The following CELF2 variants were observed in gnomAD, a reference collection of about 807,000 sequenced individuals.
CELF2 encodes CUG triplet repeat RNA-binding protein 2.
Under a neutral mutation model 62.6 loss-of-function variants are expected in CELF2, and 8 were observed. That is an observed-to-expected ratio of 0.13 (90% confidence interval 0.07 to 0.23). The LOEUF (loss-of-function observed/expected upper bound fraction) is 0.23, where lower values mean the gene tolerates loss of function less well. Ranked by LOEUF, CELF2 falls within the 10% of genes least tolerant of loss-of-function variation. The pLI is 1.00. For missense variants in CELF2, 333 were observed against 671.0 expected (o/e 0.50, Z 5.56); for synonymous variants, 258 against 250.0 (o/e 1.03, Z -0.30).
chr10:10,812,722 C>T (rs1445939497), intron 1 of CELF2, among the ~76,000 whole-genome samples: 1 of 152,144 alleles, frequency 6.6e-6, no homozygotes, highest in Non-Finnish European at 1.5e-5. Flanking sequence ...TCTGAATGTT[C>T]ATAACACTGA....
the CELF2 span, among the ~76,000 whole-genome samples, chr10:10,749,526 A>T: frequency 2.6e-5 from 4 of 152,238 alleles, no homozygotes; most frequent in Non-Finnish European, 5.9e-5. Context: ...TACTGATACA[A>T]TCTGAATGTC....
chr10:11,124,377 A>T (rs2058316006), intron 1 of CELF2, among the ~76,000 whole-genome samples: 1 of 152,226 alleles, frequency 6.6e-6, no homozygotes, highest in African/African-American at 2.4e-5. Flanking sequence ...TTTTTGAGGA[A>T]AGGACAATAT....
At chr10:11,070,341 G>A (rs1272991503) in intron 1 of CELF2, among the ~76,000 whole-genome samples, 2 of 152,096 alleles carry the variant, frequency 1.3e-5, no homozygotes, top group African/African-American at 4.8e-5. Flanking sequence ...GAGAGGATGC[G>A]GGCACCCATG....
chr10:11,021,151 T>G (rs2058253869), intron 1 of CELF2, among the ~76,000 whole-genome samples: 1 of 152,234 alleles, frequency 6.6e-6, no homozygotes, highest in Non-Finnish European at 1.5e-5. Context: ...GTTTTGGATT[T>G]TTAAACAAAG....
At chr10:10,526,105 T>C in the CELF2 span, among the ~76,000 whole-genome samples, 3 of 152,230 alleles carry the variant, frequency 2.0e-5, no homozygotes, top group Non-Finnish European at 4.4e-5. Flanking sequence ...TAGATGTTGA[T>C]GTATTTCTAA....
chr10:11,257,274 C>T (rs1017811733), intron 4 of CELF2, among the ~76,000 whole-genome samples: 2 of 147,804 alleles, frequency 1.4e-5, no homozygotes, highest in African/African-American at 5.0e-5. Flanking sequence ...TCCATCTGCC[C>T]CCATCGTCTT....
At position 10,972,402 on chromosome 10, in the gene CELF2, G is replaced by A. The variant is rs1004960309; in HGVS notation, c.89+52403G>A. Among the ~76,000 whole-genome samples the A allele has an allele frequency of 6.6e-6, 1 of 152,104 alleles. No individual in the cohort carries two copies. Among genetic ancestry groups the A allele is most frequent in the African/African-American group, 2.4e-5 (1 of 41,398 alleles). ...TTATTTAAAACTAGGAATATCCTCT[G>A]GGTATTCCCTCTGGGAAATGCTGCT... On this transcript the variant is annotated intron_variant, in intron 2 of 13. Transcript: ENST00000636488. The surrounding 1 kb of genome is among the most constrained non-coding windows in gnomAD (Gnocchi z 4.4).
intron 1 of CELF2, among the ~76,000 whole-genome samples, chr10:11,084,266 C>T (rs898157402): frequency 3.3e-5 from 5 of 152,144 alleles, no homozygotes; most frequent in East Asian, 1.9e-4. Context: ...AGTGAATATG[C>T]GGCTCTTGTG....
intron 1 of CELF2, among the ~76,000 whole-genome samples, chr10:10,884,060 T>C (rs1351554941): frequency 6.6e-6 from 1 of 152,134 alleles, no homozygotes; most frequent in East Asian, 1.9e-4. Flanking sequence ...TGTTTGGGAA[T>C]ATGATTTAGG....
At chr10:10,532,437 C>T in the CELF2 span, among the ~76,000 whole-genome samples, 1 of 152,202 alleles carries the variant, frequency 6.6e-6, no homozygotes, top group East Asian at 1.9e-4. Flanking sequence ...GTTCTCTCAA[C>T]AAGCTGTTAC....
chr10:10,527,132 A>G, the CELF2 span, among the ~76,000 whole-genome samples: 1 of 152,180 alleles, frequency 6.6e-6, no homozygotes, highest in East Asian at 1.9e-4. Context: ...GAGGCCGTGG[A>G]GCTGACCTGC....
intron 1 of CELF2, among the ~76,000 whole-genome samples, chr10:10,814,558 G>T (rs763607404): frequency 5.3e-5 from 8 of 152,132 alleles, no homozygotes; most frequent in African/African-American, 9.7e-5. Context: ...CTTCCAACAC[G>T]TGCCTCTTGG....
the CELF2 span, among the ~76,000 whole-genome samples, chr10:10,663,395 T>C: frequency 3.9e-5 from 6 of 152,220 alleles, no homozygotes; most frequent in Admixed American, 2.0e-4. Context: ...AGGATATTCA[T>C]ACACTGATAG....
intron 1 of CELF2, among the ~76,000 whole-genome samples, chr10:11,032,683 A>G (rs1210748719): frequency 6.6e-6 from 1 of 152,132 alleles, no homozygotes; most frequent in East Asian, 1.9e-4. Context: ...AACTCTTGGA[A>G]AATTTAAAGA....
the CELF2 span, among the ~76,000 whole-genome samples, chr10:10,466,474 T>C: frequency 6.6e-6 from 1 of 152,170 alleles, no homozygotes; most frequent in African/African-American, 2.4e-5. Context: ...ATTTGGGTAC[T>C]TTCCATTTGG....
rs1352518498 is a variant in CELF2, at chr10:11,214,137, A to C, written c.272-3288A>C. On this transcript the variant is annotated intron_variant, in intron 2 of 12. Coordinates refer to ENST00000633077, the MANE Select transcript of CELF2 (RefSeq NM_001326342.2). The surrounding 1 kb of genome is among the most constrained non-coding windows in gnomAD (Gnocchi z 4.2). ...CTATCTCTACAAAAATGTAAAAAGT[A>C]GTCAGGCATGGTAGCACACACCTGT... is the stretch of plus-strand genomic sequence containing the variant. 1.3e-5 allele frequency among the ~76,000 whole-genome samples: 2 copies of C among 152,154 alleles called. No homozygotes were observed. The highest frequency in any genetic ancestry group is 2.1e-4 in the South Asian group (1 of 4,830).
At chr10:11,101,891 T>C (rs980776067) in intron 1 of CELF2, among the ~76,000 whole-genome samples, 3 of 152,218 alleles carry the variant, frequency 2.0e-5, no homozygotes, top group Admixed American at 1.3e-4. Flanking sequence ...CAGGAAAATA[T>C]CATTATTGTT....
At chr10:11,261,590 C>G (rs1035651227) in intron 5 of CELF2, among the ~76,000 whole-genome samples, 2 of 152,322 alleles carry the variant, frequency 1.3e-5, no homozygotes, top group East Asian at 3.9e-4. Flanking sequence ...TGGAGCCTCT[C>G]GAAGATCCAA....
chr10:10,638,421 C>A, the CELF2 span, among the ~76,000 whole-genome samples: 253 of 152,252 alleles, frequency 1.7e-3, no homozygotes, highest in African/African-American at 5.9e-3. Context: ...TAAATGGTCA[C>A]ATAGTGGGAT....
Sources: allele counts gnomAD v4.1 joint callset (sites outside exome capture counted in the v4.1 genomes callset), GRCh38; gene constraint gnomAD v4.1.1; non-coding constraint Gnocchi (gnomAD v3.1); transcripts MANE v1.5; gene names NCBI Gene and HGNC (gene_info 2026-07-23, HGNC 2026-07-21).